SLC14A2: variants seen among roughly 807,000 people sequenced by gnomAD.
SLC14A2 encodes urea transporter 2.
SLC14A2 carries 91 observed loss-of-function variants against 104.6 expected under a neutral mutation model. The ratio of observed to expected loss-of-function variants is 0.87; its 90% CI spans 0.73 to 1.04. The LOEUF is 1.04. SLC14A2 is among the 50% of genes least tolerant of loss of function. The pLI, the probability that SLC14A2 is intolerant of heterozygous loss-of-function variation, is 0.00. For synonymous variants in SLC14A2, 476 were observed against 466.4 expected (o/e 1.02, Z -0.27); for missense variants, 1,189 against 1,156.0 (o/e 1.03, Z -0.41).
chr18:45,364,625 A>C (rs1423493285), intron 1 of SLC14A2, among the ~76,000 whole-genome samples: 1 of 152,208 alleles, frequency 6.6e-6, no homozygotes, highest in East Asian at 1.9e-4. Context: ...GAGAGAAAAC[A>C]GTTTTCTTCT....
At chr18:45,616,025 A>T (rs2045064901) in intron 1 of SLC14A2, among the ~76,000 whole-genome samples, 2 of 152,122 alleles carry the variant, frequency 1.3e-5, no homozygotes, top group African/African-American at 2.4e-5. Flanking sequence ...TGTGGAACTG[A>T]ATTGGAGGTA....
intron 2 of SLC14A2, among the ~76,000 whole-genome samples, chr18:45,600,854 T>C (rs990541207): frequency 5.3e-5 from 8 of 152,252 alleles, no homozygotes; most frequent in Admixed American, 5.2e-4. Context: ...AATTTCAAGA[T>C]GGTGACTGTA....
chr18:45,316,637 G>A (rs2085132208), intron 1 of SLC14A2, among the ~76,000 whole-genome samples: 1 of 152,162 alleles, frequency 6.6e-6, no homozygotes, highest in Non-Finnish European at 1.5e-5. Flanking sequence ...ATTTACAAGT[G>A]TGAGAATTCT....
intron 1 of SLC14A2, among the ~76,000 whole-genome samples, chr18:45,393,585 A>T: frequency 6.6e-6 from 1 of 152,202 alleles, no homozygotes; most frequent in East Asian, 1.9e-4. Flanking sequence ...AAAGATCACT[A>T]TCCCAAGAAG....
intron 1 of SLC14A2, among the ~76,000 whole-genome samples, chr18:45,414,036 A>T (rs1409826325): frequency 1.3e-5 from 2 of 152,374 alleles, no homozygotes; most frequent in East Asian, 3.9e-4. Flanking sequence ...AATTAAAGAA[A>T]GTCCACATCA....
chr18:45,457,611 G>C (rs1045980009), intron 1 of SLC14A2, among the ~76,000 whole-genome samples: 14 of 151,328 alleles, frequency 9.3e-5, no homozygotes, highest in African/African-American at 3.4e-4. Context: ...AAAGCAACAA[G>C]TTAGAGAGGG....
intron 1 of SLC14A2, among the ~76,000 whole-genome samples, chr18:45,288,461 T>TCTGAGGAAAGGCCCTTCCCCTAC (rs1241832525): frequency 2.0e-5 from 3 of 152,200 alleles, no homozygotes; most frequent in African/African-American, 7.2e-5. Context: ...ACTTTCCTTG[T>TCTGAGGAAAGGCCCTTCCCCTAC]CTGAGGAAAG....
At chr18:45,310,321 A>G (rs536930877) in intron 1 of SLC14A2, among the ~76,000 whole-genome samples, 40 of 152,346 alleles carry the variant, frequency 2.6e-4, no homozygotes, top group African/African-American at 8.7e-4. Context: ...GAAGGGTTCC[A>G]TGGTGCTACC....
chr18:45,659,862 T>C (rs1018307197), intron 10 of SLC14A2, among the ~76,000 whole-genome samples: 3 of 151,620 alleles, frequency 2.0e-5, no homozygotes, highest in Non-Finnish European at 4.4e-5. Flanking sequence ...TGGTGGCTCA[T>C]GCTTGTAATC....
intron 2 of SLC14A2, among the ~76,000 whole-genome samples, chr18:45,568,826 C>G (rs2044304541): frequency 1.3e-5 from 2 of 152,174 alleles, no homozygotes; most frequent in Admixed American, 6.5e-5. Context: ...CTAACCTATC[C>G]TGACTGATAC....
At chr18:45,344,828 A>G (rs1471985459) in intron 1 of SLC14A2, among the ~76,000 whole-genome samples, 1 of 152,216 alleles carries the variant, frequency 6.6e-6, no homozygotes, top group African/African-American at 2.4e-5. Context: ...CACGTAAACC[A>G]GTCCAGCCAC....
chr18:45,544,526 T>A (rs1398893150), intron 2 of SLC14A2, among the ~76,000 whole-genome samples: 1 of 152,088 alleles, frequency 6.6e-6, no homozygotes, highest in African/African-American at 2.4e-5. Flanking sequence ...AACATCAAAC[T>A]TTTTGGATGA....
intron 1 of SLC14A2, among the ~76,000 whole-genome samples, chr18:45,249,208 A>G (rs1055308699): frequency 2.6e-5 from 4 of 152,134 alleles, no homozygotes; most frequent in Non-Finnish European, 4.4e-5. Context: ...TATATTTTAT[A>G]TAAGTACATT....
At chr18:45,191,868 C>T in the SLC14A2 span, among the ~76,000 whole-genome samples, 4 of 152,012 alleles carry the variant, frequency 2.6e-5, no homozygotes, top group Admixed American at 6.6e-5. Flanking sequence ...CTTGCCTCTG[C>T]AGAAACTGGG....
chr18:45,220,201 GA>G (rs1025905712), intron 1 of SLC14A2, among the ~76,000 whole-genome samples: 16 of 152,170 alleles, frequency 1.1e-4, no homozygotes, highest in African/African-American at 3.6e-4. Context: ...TTGGAAGTTG[GA>G]AAAATGCCCC....
chr18:45,546,053 G>A (rs904498420), intron 2 of SLC14A2, among the ~76,000 whole-genome samples: 7 of 152,128 alleles, frequency 4.6e-5, no homozygotes, highest in Non-Finnish European at 1.0e-4. Context: ...TGGAACTAAA[G>A]ACACTGCTGA....
At chr18:45,416,049 T>C (rs1170508328) in intron 1 of SLC14A2, among the ~76,000 whole-genome samples, 3 of 152,174 alleles carry the variant, frequency 2.0e-5, no homozygotes, top group Non-Finnish European at 4.4e-5. Flanking sequence ...TGATGACCTA[T>C]ATTCTCTACC....
intron 10 of SLC14A2, chr18:45,647,888 GT>G (rs1399350275): frequency 6.6e-6 from 1 of 151,848 alleles, no homozygotes; most frequent in Non-Finnish European, 1.5e-5. Flanking sequence ...TCATTGTCAA[GT>G]ACCTGATTGA....
chr18:45,652,364 G>C (rs1163287082), intron 10 of SLC14A2, among the ~76,000 whole-genome samples: 1 of 152,202 alleles, frequency 6.6e-6, no homozygotes, highest in Non-Finnish European at 1.5e-5. Context: ...CCCCAAGAAG[G>C]GGGCAAGGGG....
Sources: allele counts gnomAD v4.1 joint callset (sites outside exome capture counted in the v4.1 genomes callset), GRCh38; gene constraint gnomAD v4.1.1; transcripts MANE v1.5; gene names NCBI Gene and HGNC (gene_info 2026-07-23, HGNC 2026-07-21).